Variants in RBFOX1 observed in about 807,000 individuals in gnomAD.
RBFOX1 encodes RNA binding protein fox-1 homolog 1.
A neutral mutation model predicts 57.7 loss-of-function variants in RBFOX1; 8 were observed. That is an observed-to-expected ratio of 0.14 (90% CI 0.08 to 0.25). The LOEUF is 0.25. RBFOX1 is among the 10% of genes least tolerant of loss of function. RBFOX1 has a pLI of 1.00. For synonymous variants in RBFOX1, 326 were observed against 222.4 expected (o/e 1.47, Z -4.15); for missense variants, 611 against 548.5 (o/e 1.11, Z -1.14).
At chr16:5,971,821 A>T (rs764647664) in intron 4 of RBFOX1, among the ~76,000 whole-genome samples, 1 of 152,198 alleles carries the variant, frequency 6.6e-6, no homozygotes, top group African/African-American at 2.4e-5. Flanking sequence ...ATTATTCTGC[A>T]TGCTTCTATG....
chr16:5,406,620 GT>G (rs1173155972), intron 1 of RBFOX1, among the ~76,000 whole-genome samples: 1 of 151,768 alleles, frequency 6.6e-6, no homozygotes, highest in Non-Finnish European at 1.5e-5. Context: ...TCACACACAC[GT>G]GTATATGCAT....
intron 3 of RBFOX1, among the ~76,000 whole-genome samples, chr16:6,688,784 C>G (rs1044593997): frequency 9.2e-5 from 14 of 152,098 alleles, no homozygotes; most frequent in African/African-American, 3.1e-4. Context: ...GCCATCCTTC[C>G]CTAGCCCACC....
chr16:6,347,289 A>T (rs1358228756), intron 2 of RBFOX1, among the ~76,000 whole-genome samples: 1 of 152,170 alleles, frequency 6.6e-6, no homozygotes, highest in African/African-American at 2.4e-5. Flanking sequence ...CTCATCCTCA[A>T]CCACCATCAT....
chr16:6,469,742 C>T (rs185900209), intron 2 of RBFOX1, among the ~76,000 whole-genome samples: 4 of 152,260 alleles, frequency 2.6e-5, no homozygotes, highest in Non-Finnish European at 2.9e-5. Flanking sequence ...TTCTCAGAAT[C>T]GGAACTTTGA....
chr16:5,899,368 C>T (rs1161059975), intron 4 of RBFOX1, among the ~76,000 whole-genome samples: 1 of 152,122 alleles, frequency 6.6e-6, no homozygotes, highest in South Asian at 2.1e-4. Context: ...GGAAACTGAC[C>T]TGGTCCATTG....
rs2058093394 is a variant in RBFOX1 at position 7,075,298 on chromosome 16, G to A, written c.27+23200G>A. Among the ~76,000 whole-genome samples, 3 of 152,210 alleles carry A rather than the reference G, an allele frequency of 2.0e-5. No individual in the cohort carries two copies. The South Asian group carries it at 6.2e-4, about 32-fold the overall frequency. ...CAAATGCAAGCAGTTATTGGTTTTA[G>A]TTAACAATTATTTATAGAGCACTGA... is the stretch of plus-strand genomic sequence containing the variant. On this transcript the variant is annotated intron_variant, in intron 4 of 15. Coordinates refer to ENST00000550418, the MANE Select transcript of RBFOX1 (RefSeq NM_018723.4).
intron 11 of RBFOX1, among the ~76,000 whole-genome samples, chr16:7,651,378 C>A (rs1372295487): frequency 6.6e-6 from 1 of 152,192 alleles, no homozygotes; most frequent in African/African-American, 2.4e-5. Flanking sequence ...CATACCCTAT[C>A]TATGGGTGTA....
intron 4 of RBFOX1, among the ~76,000 whole-genome samples, chr16:7,348,029 G>A (rs574909134): frequency 2.0e-5 from 3 of 152,284 alleles, no homozygotes; most frequent in South Asian, 2.1e-4. Context: ...TTTGGTTTTC[G>A]ATTTAAGCTC....
chr16:6,639,465 G>GTACTGTT (rs1567995980), intron 2 of RBFOX1, among the ~76,000 whole-genome samples: 2 of 152,100 alleles, frequency 1.3e-5, no homozygotes, highest in African/African-American at 4.8e-5. Flanking sequence ...GACTGAAATA[G>GTACTGTT]TAATGACCCG....
At chr16:7,652,419 CTTAT>C (rs759599808) in intron 11 of RBFOX1, among the ~76,000 whole-genome samples, 5 of 152,134 alleles carry the variant, frequency 3.3e-5, no homozygotes, top group African/African-American at 4.8e-5. Context: ...CATTCTTCTT[CTTAT>C]TTGAGAAAAA....
chr16:7,188,313 C>A (rs2084430836), intron 4 of RBFOX1, among the ~76,000 whole-genome samples: 1 of 152,204 alleles, frequency 6.6e-6, no homozygotes, highest in South Asian at 2.1e-4. Context: ...TGTTGTACAT[C>A]TTCCTATATT....
chr16:6,640,385 G>A (rs1460189353), intron 2 of RBFOX1, among the ~76,000 whole-genome samples: 1 of 152,092 alleles, frequency 6.6e-6, no homozygotes, highest in African/African-American at 2.4e-5. Flanking sequence ...GAGGTGGGCG[G>A]ATCACTGGAG....
At chr16:5,627,616 G>T (rs890902323) in intron 3 of RBFOX1, among the ~76,000 whole-genome samples, 1 of 152,094 alleles carries the variant, frequency 6.6e-6, no homozygotes, top group African/African-American at 2.4e-5. Flanking sequence ...AACAAACTAA[G>T]AAGGGGATTG....
At chr16:7,295,719 A>T (rs2095875594) in intron 4 of RBFOX1, among the ~76,000 whole-genome samples, 1 of 152,132 alleles carries the variant, frequency 6.6e-6, no homozygotes, top group African/African-American at 2.4e-5. Context: ...TGTTTGAGGC[A>T]TACCCACATA....
chr16:6,288,590 C>T (rs551523025), intron 1 of RBFOX1, among the ~76,000 whole-genome samples: 25 of 152,274 alleles, frequency 1.6e-4, no homozygotes, highest in African/African-American at 5.5e-4. Flanking sequence ...AAACCTGAAA[C>T]TCAGTCAGGT....
chr16:7,455,466 A>G (rs926539208), intron 4 of RBFOX1, among the ~76,000 whole-genome samples: 10 of 152,114 alleles, frequency 6.6e-5, no homozygotes, highest in Non-Finnish European at 1.2e-4. Flanking sequence ...TTACATAGAT[A>G]TGGACATTTT....
intron 1 of RBFOX1, among the ~76,000 whole-genome samples, chr16:6,141,265 C>T (rs1377432590): frequency 6.6e-6 from 1 of 152,176 alleles, no homozygotes; most frequent in Non-Finnish European, 1.5e-5. Context: ...CCTTCTAATC[C>T]TCCCTAACAC....
At chr16:5,580,864 G>T (rs147016117) in intron 2 of RBFOX1, among the ~76,000 whole-genome samples, 2 of 152,292 alleles carry the variant, frequency 1.3e-5, no homozygotes, top group African/African-American at 4.8e-5. Context: ...TTCCTCAAAA[G>T]ACAGAGCTGG....
At position 6,197,669 on chromosome 16, in the gene RBFOX1, G is replaced by T. The variant is rs147223367; in HGVS notation, c.-126-119326G>T. Among the ~76,000 whole-genome samples the T allele has an allele frequency of 1.5e-4, 22 of 151,656 alleles. 1 individual carries two copies. Among genetic ancestry groups the T allele is most frequent in the African/African-American group, 4.6e-4 (19 of 41,366 alleles). On this transcript the variant is annotated intron_variant, in intron 1 of 15. Coordinates refer to ENST00000550418, the MANE Select transcript of RBFOX1 (RefSeq NM_018723.4). ...TTTAATTTTTATTTAAGATTCAGGGGTTCATATGTTGTTTTCTTATATAGA... is the reference window on the plus strand; with the variant it reads ...TTTAATTTTTATTTAAGATTCAGGGTTTCATATGTTGTTTTCTTATATAGA...
Sources: allele counts gnomAD v4.1 joint callset (sites outside exome capture counted in the v4.1 genomes callset), GRCh38; gene constraint gnomAD v4.1.1; transcripts MANE v1.5; gene names NCBI Gene and HGNC (gene_info 2026-07-23, HGNC 2026-07-21).